Variants in RFX6 observed in about 807,000 individuals in gnomAD.
RFX6 encodes the protein DNA-binding protein RFX6.
In RFX6, 50 loss-of-function variants were observed where a neutral mutation model predicts 110.8. The ratio of observed to expected loss-of-function variants is 0.45; its 90% CI spans 0.36 to 0.57. RFX6 has a LOEUF of 0.57. Among genes scored for constraint, RFX6 ranks in the 20% least tolerant of loss-of-function variants. The pLI, the probability that RFX6 is intolerant of heterozygous loss-of-function variation, is 0.00. For missense variants in RFX6, 990 were observed against 1,127.0 expected (o/e 0.88, Z 1.74); for synonymous variants, 383 against 411.2 (o/e 0.93, Z 0.83).
At chr6:116,877,522 G>C in intron 1 of RFX6, 24 bp downstream of exon 1, 2 of 1,522,326 alleles carry the variant, frequency 1.3e-6, no homozygotes, top group South Asian at 2.4e-5. Context: ...CGCATCCGGA[G>C]CTGGGAAGGG....
intron 12 of RFX6, among the ~76,000 whole-genome samples, chr6:116,921,310 G>C (rs1231855825): frequency 6.6e-6 from 1 of 152,036 alleles, no homozygotes; most frequent in Non-Finnish European, 1.5e-5. Flanking sequence ...ACGTTATTCA[G>C]GTAAATGGCT....
In RFX6 at chr6:116,922,185, C is replaced by G; in HGVS notation, c.1437+34C>G. 3 of 1,006,778 alleles carry G rather than the reference C, an allele frequency of 3.0e-6. No homozygotes were observed. The South Asian group carries it at 3.8e-5, about 13-fold the overall frequency. 62.4% of individuals were successfully genotyped at this position (1,006,778 alleles called of 1,614,324 possible). A position where few individuals can be genotyped will look rare whatever the true frequency, so the allele number is the denominator to read the frequency against. ...TAATGACAGATTCAGAAAATAAGTTCCTTGTAAAGAGTAAATGCTAAACTG... is the reference window on the plus strand; with the variant it reads ...TAATGACAGATTCAGAAAATAAGTTGCTTGTAAAGAGTAAATGCTAAACTG... On this transcript the variant is annotated intron_variant, in intron 13 of 18. Transcript: ENST00000332958.
intron 15 of RFX6, among the ~76,000 whole-genome samples, chr6:116,925,043 A>C (rs1775680390): frequency 6.6e-6 from 1 of 152,240 alleles, no homozygotes; most frequent in Non-Finnish European, 1.5e-5. Context: ...TCTGGGAATT[A>C]AGGTGAAGTT....
At chr6:116,904,406 A>G (rs1775149904) in intron 6 of RFX6, among the ~76,000 whole-genome samples, 1 of 152,072 alleles carries the variant, frequency 6.6e-6, no homozygotes, top group African/African-American at 2.4e-5. Flanking sequence ...ATTTGTGTAT[A>G]TTCCAAGATT....
At position 116,882,353 on chromosome 6, in the gene RFX6, A is replaced by T; in HGVS notation, c.505-14A>T. The T allele has an allele frequency of 6.2e-7, 1 of 1,607,398 alleles. No individual in the cohort carries two copies. On this transcript the variant is annotated splice_polypyrimidine_tract_variant and intron_variant, in intron 3 of 18. Coordinates refer to ENST00000332958, the MANE Select transcript of RFX6 (RefSeq NM_173560.4). ...ATACTTTCTAACGCCTAAAGTAATCATCTTTCTTTTTAGACAATTCGCCAG... is the reference window on the plus strand; with the variant it reads ...ATACTTTCTAACGCCTAAAGTAATCTTCTTTCTTTTTAGACAATTCGCCAG...
chr6:116,902,617 T>A (rs952015891), intron 6 of RFX6, among the ~76,000 whole-genome samples: 2 of 152,084 alleles, frequency 1.3e-5, no homozygotes, highest in Non-Finnish European at 1.5e-5. Flanking sequence ...TCTTCTAATG[T>A]GGGCCAAATT....
Position 116,925,639 on chromosome 6 carries a change from C to A in RFX6, c.1865C>A (p.Thr622Lys). The A allele has an allele frequency of 6.2e-7, 1 of 1,613,220 alleles. No individual in the cohort carries two copies. The highest frequency in any genetic ancestry group is 1.7e-4 in the Middle Eastern group (1 of 6,042). The change falls in exon 16 of 19, where the codon ACA becomes AAA. Residue 622 changes from threonine to lysine, a missense_variant. This residue lies in a region of RFX6 where 438 missense variants were observed against 441.9 expected (regional missense o/e 0.99). Coordinates refer to ENST00000332958, the MANE Select transcript of RFX6 (RefSeq NM_173560.4). ...PALHQFPAGNTDNMPLTGQME... is the reference protein window; with the variant it reads ...PALHQFPAGNKDNMPLTGQME... The stretch of plus-strand genomic sequence containing the variant: ...CTGCACCAGTTCCCTGCTGGGAACA[C>A]AGACAACATGCCGCTCACAGGTACG...
At chr6:116,906,475 T>G (rs1352659490) in intron 6 of RFX6, among the ~76,000 whole-genome samples, 1 of 152,198 alleles carries the variant, frequency 6.6e-6, no homozygotes, top group Admixed American at 6.5e-5. Flanking sequence ...TAAATATTAA[T>G]TCTTCTAATC....
intron 18 of RFX6, among the ~76,000 whole-genome samples, chr6:116,930,294 G>A (rs148218505): frequency 1.3e-5 from 2 of 152,206 alleles, no homozygotes; most frequent in Admixed American, 6.5e-5. Flanking sequence ...CAGAGAGCAC[G>A]TCATGTCAGC....
chr6:116,880,392 T>G, intron 2 of RFX6, 152 bp from the exon 3 acceptor site: 1 of 700,860 alleles, frequency 1.4e-6, no homozygotes, highest in Non-Finnish European at 2.4e-6. Context: ...ATAATTTGAT[T>G]TTTAAAAAAT....
At chr6:116,882,339 C>A (rs369850417) in intron 3 of RFX6, 28 bp from the exon 4 acceptor site, 1 of 1,575,824 alleles carries the variant, frequency 6.3e-7, no homozygotes, top group Non-Finnish European at 8.7e-7. Flanking sequence ...TACTTTCTAA[C>A]GCCTAAAGTA....
chr6:116,918,870 C>T (rs1269624056), intron 10 of RFX6, among the ~76,000 whole-genome samples: 1 of 152,024 alleles, frequency 6.6e-6, no homozygotes, highest in Non-Finnish European at 1.5e-5. Context: ...GAATTGGGTA[C>T]TTGAAGTGGA....
chr6:116,917,720 A>C (rs574240303), intron 9 of RFX6, among the ~76,000 whole-genome samples: 24 of 152,250 alleles, frequency 1.6e-4, no homozygotes, highest in African/African-American at 5.8e-4. Context: ...ATGAGCTTCT[A>C]CAAAAATCTT....
intron 16 of RFX6, among the ~76,000 whole-genome samples, chr6:116,926,824 C>T (rs538989115): frequency 6.6e-6 from 1 of 152,254 alleles, no homozygotes; most frequent in East Asian, 1.9e-4. Flanking sequence ...TCCACGTCTC[C>T]ACTGTTGTGA....
At chr6:116,877,693 C>T (rs1774493005) in intron 1 of RFX6, 103 bp from the exon 2 acceptor site, 3 of 1,216,668 alleles carry the variant, frequency 2.5e-6, no homozygotes, top group Admixed American at 2.0e-5. Context: ...CCCCTCCGCC[C>T]CCACCCCAGT....
At chr6:116,929,722 C>T (rs1238333220) in intron 18 of RFX6, among the ~76,000 whole-genome samples, 1 of 152,114 alleles carries the variant, frequency 6.6e-6, no homozygotes, top group Middle Eastern at 3.2e-3. Context: ...AGTATATATT[C>T]ACTAAGTATC....
chr6:116,923,425 T>C lies in RFX6; in HGVS notation c.1555+201T>C, dbSNP rs564775414. 1.1e-4 allele frequency: 62 copies of C among 574,286 alleles called. 1 individual carries two copies. In the South Asian group the frequency reaches 1.2e-3, roughly 11 times the overall value. The allele number at this position is 574,286 out of a possible 1,614,324, so 35.6% of individuals were successfully genotyped here. A position where few individuals can be genotyped will look rare whatever the true frequency, so the allele number is the denominator to read the frequency against. On this transcript the variant is annotated intron_variant, in intron 14 of 18. Transcript: ENST00000332958. The stretch of plus-strand genomic sequence containing the variant: ...GGATTAAATCCTAACAATGATTGTC[T>C]CTGGCTATGGGCCAATCTGCTCATT...
intron 6 of RFX6, among the ~76,000 whole-genome samples, chr6:116,898,927 A>T (rs568903319): frequency 6.6e-6 from 1 of 152,328 alleles, no homozygotes; most frequent in African/African-American, 2.4e-5. Context: ...TATAAGGAAT[A>T]AACTCTGTCG....
In RFX6 at chr6:116,877,270, A is replaced by G. The variant is rs749349305; in HGVS notation, c.-6A>G. The stretch of plus-strand genomic sequence containing the variant: ...GCGCGCGCGGAGGTGTCCGGCGGCC[A>G]GGAGGATGGCCAAGGTCCCGGAGCT... On this transcript the variant is annotated 5_prime_UTR_variant, in exon 1 of 19. Transcript: ENST00000332958. 2.5e-6 allele frequency: 4 copies of G among 1,605,902 alleles called. No homozygotes were observed. Among genetic ancestry groups the G allele is most frequent in the Admixed American group, 3.4e-5 (2 of 59,488 alleles).
Sources: gnomAD v4.1 joint callset for allele counts (sites outside exome capture counted in the v4.1 genomes callset) on GRCh38, gnomAD v4.1.1 for gene constraint, gnomAD v4.1.1 regional missense constraint, MANE v1.5 for transcripts, NCBI Gene and HGNC (gene_info 2026-07-23, HGNC 2026-07-21) for gene names.